ARB2A: variants seen among roughly 807,000 people sequenced by gnomAD.
ARB2A encodes the protein ARB2 cotranscriptional regulator A, also known as cotranscriptional regulator ARB2A.
the ARB2A span, among the ~76,000 whole-genome samples, chr5:93,961,142 C>T: frequency 6.6e-6 from 1 of 152,092 alleles, no homozygotes; most frequent in Admixed American, 6.6e-5. Context: ...CACTCAATTA[C>T]CAAACACTAT....
At chr5:93,701,868 A>G in the ARB2A span, among the ~76,000 whole-genome samples, 1 of 152,166 alleles carries the variant, frequency 6.6e-6, no homozygotes, top group East Asian at 1.9e-4. Context: ...AAATGAGTGC[A>G]GTGGGATATA....
the ARB2A span, among the ~76,000 whole-genome samples, chr5:93,682,554 A>G: frequency 9.4e-5 from 14 of 148,618 alleles, no homozygotes; most frequent in African/African-American, 2.7e-4. Flanking sequence ...TTTCACATGT[A>G]TATTTTTGTC....
the ARB2A span, among the ~76,000 whole-genome samples, chr5:93,797,374 C>T: frequency 6.6e-6 from 1 of 152,026 alleles, no homozygotes; most frequent in Non-Finnish European, 1.5e-5. Flanking sequence ...TTAAGTATTG[C>T]CTCAATTTCA....
the ARB2A span, among the ~76,000 whole-genome samples, chr5:93,813,355 TAAGTA>T: frequency 1.3e-5 from 2 of 152,198 alleles, no homozygotes; most frequent in Admixed American, 6.5e-5. Flanking sequence ...AGGAGATTTC[TAAGTA>T]AAGTGTTAGA....
chr5:93,959,270 T>A, the ARB2A span, among the ~76,000 whole-genome samples: 1 of 151,980 alleles, frequency 6.6e-6, no homozygotes, highest in Non-Finnish European at 1.5e-5. Context: ...AAATAACTAC[T>A]TTTTTAGTGC....
chr5:93,628,578 C>A, the ARB2A span, among the ~76,000 whole-genome samples: 2 of 152,268 alleles, frequency 1.3e-5, no homozygotes, highest in Admixed American at 1.3e-4. Flanking sequence ...TTAGTGTAGC[C>A]ACCTTCATCA....
At chr5:93,701,034 T>A in the ARB2A span, among the ~76,000 whole-genome samples, 1 of 152,182 alleles carries the variant, frequency 6.6e-6, no homozygotes, top group African/African-American at 2.4e-5. Context: ...ACTAGATTCA[T>A]ATTGTGGGGA....
chr5:93,621,171 G>T, the ARB2A span: 43 of 1,546,688 alleles, frequency 2.8e-5, 1 homozygote, highest in South Asian at 1.7e-4. Context: ...GGCCACGCGG[G>T]GCCAGGCGCG....
At chr5:93,795,570 C>T in the ARB2A span, among the ~76,000 whole-genome samples, 1 of 152,168 alleles carries the variant, frequency 6.6e-6, no homozygotes. Context: ...GTGGGAGCTG[C>T]ATACTAGTCC....
At chr5:93,818,742 G>A in the ARB2A span, among the ~76,000 whole-genome samples, 4,813 of 152,232 alleles carry the variant, frequency 0.032, 236 homozygotes, top group African/African-American at 0.11. Flanking sequence ...AGCTGGGCAT[G>A]CCAGCAACAA....
At chr5:94,000,034 G>A in the ARB2A span, among the ~76,000 whole-genome samples, 38 of 152,146 alleles carry the variant, frequency 2.5e-4, no homozygotes, top group African/African-American at 9.2e-4. Flanking sequence ...TCCATTGTCT[G>A]GATGGACTAC....
chr5:93,671,490 A>G, the ARB2A span, among the ~76,000 whole-genome samples: 1 of 152,132 alleles, frequency 6.6e-6, no homozygotes, highest in Admixed American at 6.5e-5. Context: ...ACATCCTTAA[A>G]AAACCCTTAG....
chr5:93,986,913 A>T, the ARB2A span, among the ~76,000 whole-genome samples: 1 of 152,132 alleles, frequency 6.6e-6, no homozygotes, highest in Non-Finnish European at 1.5e-5. Flanking sequence ...GGAAAACCAG[A>T]GACCTTTGTT....
chr5:93,784,554 G>T, the ARB2A span: 4 of 1,304,882 alleles, frequency 3.1e-6, no homozygotes, highest in Non-Finnish European at 4.4e-6. Context: ...CCTACTGGGT[G>T]CAGCCTGCTT....
the ARB2A span, among the ~76,000 whole-genome samples, chr5:93,702,344 G>T: frequency 6.6e-6 from 1 of 152,046 alleles, no homozygotes; most frequent in Admixed American, 6.6e-5. Flanking sequence ...GGCCTCTCCT[G>T]ACCACGCTAT....
the ARB2A span, among the ~76,000 whole-genome samples, chr5:93,995,186 C>T: frequency 6.6e-6 from 1 of 152,162 alleles, no homozygotes; most frequent in Non-Finnish European, 1.5e-5. Flanking sequence ...GTAGCCACTT[C>T]CTGTTGGTAT....
At chr5:93,846,736 C>A in the ARB2A span, among the ~76,000 whole-genome samples, 1 of 151,936 alleles carries the variant, frequency 6.6e-6, no homozygotes, top group African/African-American at 2.4e-5. Context: ...TACTTTATTG[C>A]TAAAAACTGC....
the ARB2A span, among the ~76,000 whole-genome samples, chr5:93,918,189 A>G: frequency 6.6e-6 from 1 of 152,180 alleles, no homozygotes; most frequent in African/African-American, 2.4e-5. Flanking sequence ...TGTATACTCA[A>G]TACAATAATC....
chr5:93,787,270 C>T, the ARB2A span, among the ~76,000 whole-genome samples: 1 of 152,150 alleles, frequency 6.6e-6, no homozygotes, highest in Non-Finnish European at 1.5e-5. Flanking sequence ...TTAAGGTCAA[C>T]ATCCATACCA....
Sources: gnomAD v4.1 joint callset for allele counts (sites outside exome capture counted in the v4.1 genomes callset) on GRCh38, gnomAD v4.1.1 for gene constraint, MANE v1.5 for transcripts, NCBI Gene and HGNC (gene_info 2026-07-23, HGNC 2026-07-21) for gene names.